Variants in ELOVL5 observed in about 807,000 individuals in gnomAD.
ELOVL5 encodes ELOVL fatty acid elongase 5.
In ELOVL5, 8 loss-of-function variants were observed where a neutral mutation model predicts 38.6. The ratio of observed to expected loss-of-function variants is 0.21; its 90% CI spans 0.12 to 0.37. ELOVL5 has a LOEUF of 0.37. Ranked by LOEUF, ELOVL5 falls within the 10% of genes least tolerant of loss-of-function variation. The pLI is 1.00. For missense variants in ELOVL5, 280 were observed against 367.8 expected (o/e 0.76, Z 1.95); for synonymous variants, 127 against 133.7 (o/e 0.95, Z 0.34).
rs143135664 is a variant in ELOVL5 at position 53,307,405 on chromosome 6, T to C, written c.-8-11698A>G. Among the ~76,000 whole-genome samples, 336 of 152,362 alleles carry C rather than the reference T, an allele frequency of 2.2e-3. 5 individuals carry two copies. Among genetic ancestry groups the C allele is most frequent in the African/African-American group, 7.8e-3 (325 of 41,586 alleles). ...GTAAAATGAGGGTAATTACATTAACTTCCTCATGTGATTAAATGAGTTAAG... is the reference window on the plus strand; with the variant it reads ...GTAAAATGAGGGTAATTACATTAACCTCCTCATGTGATTAAATGAGTTAAG... On this transcript the variant is annotated intron_variant, in intron 1 of 7. Transcript: ENST00000304434.
chr6:53,268,419 G>GC lies in ELOVL5; in HGVS notation c.*707dup, dbSNP rs79049968. 7.3e-3 allele frequency: 1,102 copies of GC among 151,512 alleles called. 20 individuals carry two copies. Among genetic ancestry groups the GC allele is most frequent in the East Asian group, 0.063 (324 of 5,130 alleles). The allele number at this position is 151,512 out of a possible 1,614,324, so 9.4% of individuals were successfully genotyped here. ...TAAGTTTCATCACGACTGCTGTAGAGCCCCCCCCTTTTTACATTAATAGTG... is the reference window on the plus strand; with the variant it reads ...TAAGTTTCATCACGACTGCTGTAGAGCCCCCCCCCTTTTTACATTAATAGTG... On this transcript the variant is annotated 3_prime_UTR_variant, in exon 8 of 8. Transcript: ENST00000304434.
At chr6:53,269,671 C>A (rs1416650433) in intron 7 of ELOVL5, among the ~76,000 whole-genome samples, 3 of 152,224 alleles carry the variant, frequency 2.0e-5, no homozygotes, top group Non-Finnish European at 4.4e-5. Flanking sequence ...AAGTTCCTCA[C>A]TGCCTCGGCG....
chr6:53,335,935 T>C (rs1769047012), intron 1 of ELOVL5, among the ~76,000 whole-genome samples: 3 of 152,302 alleles, frequency 2.0e-5, no homozygotes, highest in African/African-American at 7.2e-5. Context: ...GACAGACGTA[T>C]GATGAGCAAG....
chr6:53,331,846 A>G (rs941007445), intron 1 of ELOVL5, among the ~76,000 whole-genome samples: 1 of 152,316 alleles, frequency 6.6e-6, no homozygotes, highest in South Asian at 2.1e-4. Flanking sequence ...TAATTTATAA[A>G]GAGGTTTATT....
chr6:53,291,626 T>C (rs2127574291), intron 3 of ELOVL5, 150 bp downstream of exon 3: 1 of 485,814 alleles, frequency 2.1e-6, no homozygotes, highest in Admixed American at 4.0e-5. Context: ...AAAATCGATT[T>C]TAAAACACAC....
At chr6:53,283,199 C>T (rs901997152) in intron 3 of ELOVL5, among the ~76,000 whole-genome samples, 1 of 152,204 alleles carries the variant, frequency 6.6e-6, no homozygotes, top group Non-Finnish European at 1.5e-5. Context: ...AAAACTCCAA[C>T]ACAATCAATT....
chr6:53,317,864 A>C (rs1343211969), intron 1 of ELOVL5, among the ~76,000 whole-genome samples: 3 of 151,848 alleles, frequency 2.0e-5, no homozygotes, highest in Non-Finnish European at 2.9e-5. Flanking sequence ...TAAAATAAAA[A>C]CCTAATCCCG....
intron 1 of ELOVL5, among the ~76,000 whole-genome samples, chr6:53,310,304 T>C (rs920152399): frequency 6.6e-6 from 1 of 152,226 alleles, no homozygotes; most frequent in Non-Finnish European, 1.5e-5. Flanking sequence ...ACTACGTAGC[T>C]GGCTTTTCAA....
At chr6:53,313,461 T>TGCAATC (rs1422700665) in intron 1 of ELOVL5, among the ~76,000 whole-genome samples, 1 of 152,054 alleles carries the variant, frequency 6.6e-6, no homozygotes, top group Non-Finnish European at 1.5e-5. Flanking sequence ...CCCGGGCTCT[T>TGCAATC]GCAATCCTCC....
intron 7 of ELOVL5, among the ~76,000 whole-genome samples, chr6:53,269,831 T>C (rs957148526): frequency 6.6e-6 from 1 of 152,224 alleles, no homozygotes; most frequent in Non-Finnish European, 1.5e-5. Context: ...CCCAGAAGTA[T>C]ATGACTTCCA....
chr6:53,288,009 A>G, intron 3 of ELOVL5: 1 of 1,310,022 alleles, frequency 7.6e-7, no homozygotes, highest in Non-Finnish European at 1.1e-6. Flanking sequence ...GCAGGAGAAG[A>G]GTAGACACAT....
intron 1 of ELOVL5, among the ~76,000 whole-genome samples, chr6:53,321,655 T>C (rs1359682713): frequency 6.6e-6 from 1 of 152,194 alleles, no homozygotes; most frequent in Non-Finnish European, 1.5e-5. Context: ...ACTGCAACCA[T>C]TGCCATAACT....
chr6:53,330,319 G>A (rs988776798), intron 1 of ELOVL5, among the ~76,000 whole-genome samples: 2 of 152,094 alleles, frequency 1.3e-5, no homozygotes, highest in African/African-American at 2.4e-5. Context: ...CACTTACCAT[G>A]AATAGACGTT....
intron 1 of ELOVL5, among the ~76,000 whole-genome samples, chr6:53,308,486 G>C (rs780562964): frequency 6.6e-6 from 1 of 152,154 alleles, no homozygotes; most frequent in Non-Finnish European, 1.5e-5. Flanking sequence ...ATCAATGAAT[G>C]AATGACTTTC....
At chr6:53,302,865 T>A (rs1053585151) in intron 1 of ELOVL5, among the ~76,000 whole-genome samples, 8 of 152,288 alleles carry the variant, frequency 5.3e-5, no homozygotes, top group Non-Finnish European at 1.0e-4. Context: ...TTAGCTATTG[T>A]CTAGCTTAAC....
intron 1 of ELOVL5, among the ~76,000 whole-genome samples, chr6:53,299,271 C>A (rs1767149040): frequency 6.6e-6 from 1 of 152,060 alleles, no homozygotes; most frequent in African/African-American, 2.4e-5. Flanking sequence ...ATATGTCTAA[C>A]AAAAATAAGG....
At chr6:53,309,050 A>AT (rs570876424) in intron 1 of ELOVL5, among the ~76,000 whole-genome samples, 117 of 152,176 alleles carry the variant, frequency 7.7e-4, no homozygotes, top group Non-Finnish European at 1.3e-3. Flanking sequence ...CACCTGATGG[A>AT]TTTTTTACCG....
At chr6:53,331,449 T>G (rs913711039) in intron 1 of ELOVL5, among the ~76,000 whole-genome samples, 2 of 152,212 alleles carry the variant, frequency 1.3e-5, no homozygotes, top group African/African-American at 4.8e-5. Flanking sequence ...GTGTGATACT[T>G]TTATAGAATT....
intron 1 of ELOVL5, among the ~76,000 whole-genome samples, chr6:53,306,023 G>A (rs1385577860): frequency 1.4e-4 from 22 of 151,746 alleles, no homozygotes; most frequent in East Asian, 4.0e-4. Flanking sequence ...CCAACACAGC[G>A]AAACCCCGTC....
Sources: allele counts gnomAD v4.1 joint callset (sites outside exome capture counted in the v4.1 genomes callset), GRCh38; gene constraint gnomAD v4.1.1; transcripts MANE v1.5; gene names NCBI Gene and HGNC (gene_info 2026-07-23, HGNC 2026-07-21).